The following H4C15 variants were observed in gnomAD, a reference collection of about 807,000 sequenced individuals.
H4C15 encodes the protein histone H4.
At chr1:149,850,112 A>C, downstream of H4C15, 1 of 491,592 alleles carries the variant, frequency 2.0e-6, no homozygotes, top group South Asian at 2.0e-5. Flanking sequence ...GCAAGCCCCA[A>C]CCTATCTATG....
At chr1:149,850,221 TAA>T (rs370750980), downstream of H4C15, 80 of 856,862 alleles carry the variant, frequency 9.3e-5, no homozygotes, top group East Asian at 8.2e-4. Context: ...TGTGCTCTCC[TAA>T]AGTTAACCAG....
chr1:149,846,965 C>T, the H4C15 span: 15 of 152,290 alleles, frequency 9.8e-5, no homozygotes, highest in African/African-American at 3.6e-4. Context: ...GTCTGAAGTA[C>T]AAAATCAATT....
downstream of H4C15, chr1:149,850,785 AGACC>A: frequency 1.3e-5 from 2 of 148,384 alleles, no homozygotes; most frequent in Non-Finnish European, 1.2e-5. Context: ...GCCAGACCCA[AGACC>A]GACACCGACC....
At chr1:149,855,383 A>AC (rs2101556035), downstream of H4C15, among the ~76,000 whole-genome samples, 2 of 68,746 alleles carry the variant, frequency 2.9e-5, no homozygotes, top group South Asian at 9.8e-4. Context: ...AGTGGGGGAC[A>AC]GGTGTGTGTG....
At chr1:149,848,553 T>C in the H4C15 span, 2 of 152,178 alleles carry the variant, frequency 1.3e-5, no homozygotes, top group East Asian at 1.9e-4. Flanking sequence ...GATAATAGCA[T>C]ACTACACTCC....
chr1:149,850,525 G>A (rs1410466358), downstream of H4C15: 7 of 818,468 alleles, frequency 8.6e-6, no homozygotes, highest in Non-Finnish European at 1.4e-5. Flanking sequence ...GCTTGTTGTA[G>A]TGCGCCAGGC....
At chr1:149,845,625 G>A in the H4C15 span, 6 of 152,274 alleles carry the variant, frequency 3.9e-5, no homozygotes, top group Non-Finnish European at 8.8e-5. Context: ...CCAAGGGAAA[G>A]TTTTACAGAG....
chr1:149,855,424 T>TGTGTG (rs1247381452), downstream of H4C15, among the ~76,000 whole-genome samples: 6 of 141,412 alleles, frequency 4.2e-5, no homozygotes, highest in Admixed American at 1.4e-4. Context: ...TGTGTGTGTG[T>TGTGTG]TTAGAGGGAA....
At chr1:149,848,841 TAA>T in the H4C15 span, 1 of 152,222 alleles carries the variant, frequency 6.6e-6, no homozygotes, top group East Asian at 1.9e-4. Context: ...ACATGAGTAA[TAA>T]AGTCTAGAAA....
At chr1:149,850,560 C>G (rs1206997528), downstream of H4C15, 9 of 691,406 alleles carry the variant, frequency 1.3e-5, no homozygotes, top group African/African-American at 1.1e-4. Context: ...GCGATGCGCT[C>G]GAAGATGTCG....
downstream of H4C15, chr1:149,850,433 C>T (rs1553757653): frequency 2.5e-6 from 3 of 1,187,458 alleles, no homozygotes; most frequent in Non-Finnish European, 3.6e-6. Context: ...CCTTGGTGCC[C>T]TCGGACACGG....
chr1:149,858,773 C>T (rs2092193066), downstream of H4C15, among the ~76,000 whole-genome samples: 7 of 33,876 alleles, frequency 2.1e-4, no homozygotes, highest in Non-Finnish European at 1.1e-4. Flanking sequence ...TTTAAAGCAC[C>T]GATTACTATG....
chr1:149,850,734 C>T, downstream of H4C15: 1 of 272,682 alleles, frequency 3.7e-6, no homozygotes. Context: ...TTCTTGGAGC[C>T]CTTCTTGGGA....
downstream of H4C15, among the ~76,000 whole-genome samples, chr1:149,849,755 G>C (rs769469898): frequency 3.3e-5 from 5 of 152,174 alleles, no homozygotes; most frequent in Non-Finnish European, 7.3e-5. Context: ...TTAACTCCTG[G>C]TTATCAAAAT....
chr1:149,850,081 G>C (rs1459665967), downstream of H4C15: 2 of 436,410 alleles, frequency 4.6e-6, no homozygotes, highest in East Asian at 9.9e-5. Context: ...GCCAAAGACA[G>C]TTCAAGAGCA....
the H4C15 span, chr1:149,846,631 A>G: frequency 1.3e-5 from 2 of 152,196 alleles, no homozygotes; most frequent in Non-Finnish European, 2.9e-5. Flanking sequence ...ATTTTGCTGC[A>G]TTTGCCTTAT....
chr1:149,848,429 T>C, the H4C15 span: 1 of 152,222 alleles, frequency 6.6e-6, no homozygotes, highest in Non-Finnish European at 1.5e-5. Context: ...GTTCCCTGAT[T>C]CTCCCACACT....
At chr1:149,846,644 T>C in the H4C15 span, 1 of 152,208 alleles carries the variant, frequency 6.6e-6, no homozygotes, top group Non-Finnish European at 1.5e-5. Context: ...TGCCTTATCT[T>C]TGTCTTCTCA....
chr1:149,845,444 T>C, the H4C15 span: 2 of 152,376 alleles, frequency 1.3e-5, no homozygotes, highest in East Asian at 3.9e-4. Flanking sequence ...ATGACAGGTT[T>C]CATCAGTTAA....
Sources: gnomAD v4.1 joint callset for allele counts (sites outside exome capture counted in the v4.1 genomes callset) on GRCh38, gnomAD v4.1.1 for gene constraint, MANE v1.5 for transcripts, NCBI Gene and HGNC (gene_info 2026-07-23, HGNC 2026-07-21) for gene names.